Variants in MEAK7 observed in about 807,000 individuals in gnomAD.
MEAK7 encodes the protein MTOR-associated protein MEAK7.
In MEAK7, 68 loss-of-function variants were observed where a neutral mutation model predicts 40.5. The observed-to-expected ratio is 1.68, with a 90% CI of 1.38 to 2.06. MEAK7 has a LOEUF of 2.06. MEAK7 is among the 30% of genes most tolerant of loss of function. MEAK7 has a pLI of 0.00. For synonymous variants in MEAK7, 338 were observed against 231.9 expected (o/e 1.46, Z -4.16); for missense variants, 918 against 580.5 (o/e 1.58, Z -5.98).
At chr16:84,483,828 G>A (rs74036226) in intron 5 of MEAK7, among the ~76,000 whole-genome samples, 3,024 of 152,262 alleles carry the variant, frequency 0.02, 119 homozygotes, top group African/African-American at 0.067. Context: ...ATGAGGACAA[G>A]GTGTGGGACA....
rs1247809371 is a variant in MEAK7, at chr16:84,482,613, C to G, written c.1056G>C (p.Gln352His). ...TCACCAGTCCGTTCGGGATCGTCTG[C>G]TGTCCATGGTTCAAGTACATGTAGT... ...NDHYMYLNHG[Q>H]QTIPNGLGMG... The change falls in exon 6 of 8, where the codon CAG (glutamine) becomes CAC (histidine). Residue 352 changes from glutamine (Q) to histidine (H), a missense_variant. By Grantham distance (24) the Gln-to-His change is conservative. Transcript: ENST00000343629. The G allele has an allele frequency of 6.2e-7, 1 of 1,614,238 alleles. No individual in the cohort carries two copies.
chr16:84,492,675 G>C (rs781384950), intron 3 of MEAK7, among the ~76,000 whole-genome samples: 4 of 151,998 alleles, frequency 2.6e-5, no homozygotes, highest in Non-Finnish European at 5.9e-5. Flanking sequence ...TCCACCTCTC[G>C]AGTTCAAGCG....
chr16:84,480,500 C>G, intron 7 of MEAK7, 29 bp downstream of exon 7: 6 of 1,565,918 alleles, frequency 3.8e-6, no homozygotes, highest in Non-Finnish European at 5.2e-6. Context: ...AAGGGGCCAT[C>G]CTGGGATGCA....
At chr16:84,497,572 CCT>C (rs1914152767) in intron 2 of MEAK7, 2 of 1,300,908 alleles carry the variant, frequency 1.5e-6, no homozygotes, top group Non-Finnish European at 2.0e-6. Flanking sequence ...CTATCTCTCT[CCT>C]CTGATGTTCA....
At chr16:84,485,405 C>T (rs1329997096) in intron 5 of MEAK7, among the ~76,000 whole-genome samples, 4 of 152,220 alleles carry the variant, frequency 2.6e-5, no homozygotes, top group Non-Finnish European at 4.4e-5. Context: ...CAGCCAGATG[C>T]CACCTAGCCT....
chr16:84,498,069 G>A lies in MEAK7; in HGVS notation c.18C>T (p.Ser6=). 6.2e-7 allele frequency: 1 copy of A among 1,612,284 alleles called. No homozygotes were observed. Among genetic ancestry groups the A allele is most frequent in the Non-Finnish European group, 8.5e-7 (1 of 1,179,026 alleles). The change falls in exon 2 of 8, where the codon AGC becomes AGT. Residue 6 remains serine, a synonymous_variant. Coordinates refer to ENST00000343629, the MANE Select transcript of MEAK7 (RefSeq NM_020947.4). ...GTGAACAAAAGCTCCGCCCCACACG[G>A]CTTCTGCTGTTCCCCATCTGTCCTG... MGNSR[S]RVGRSFCSQF...
chr16:84,500,414 G>C (rs2150649380), intron 1 of MEAK7, among the ~76,000 whole-genome samples: 1 of 152,262 alleles, frequency 6.6e-6, no homozygotes, highest in African/African-American at 2.4e-5. Context: ...AGTAAAGCAT[G>C]AGCTTCCATC....
chr16:84,504,563 T>A, intron 1 of MEAK7, 38 bp downstream of exon 1: 1 of 982,864 alleles, frequency 1.0e-6, no homozygotes, highest in Non-Finnish European at 1.2e-6. Flanking sequence ...CCTGCGCCTC[T>A]GGGTCAGCTC....
In MEAK7 at chr16:84,478,707, G is replaced by C. The variant is rs566062554; in HGVS notation, c.*1206C>G. On this transcript the variant is annotated 3_prime_UTR_variant, in exon 8 of 8. Coordinates refer to ENST00000343629, the MANE Select transcript of MEAK7 (RefSeq NM_020947.4). ...GATCTTCAGCATTTCAGGATCACCGGAGCTTGTTTAAAGTCAGTCTACACT... is the reference window on the plus strand; with the variant it reads ...GATCTTCAGCATTTCAGGATCACCGCAGCTTGTTTAAAGTCAGTCTACACT... 1 of 152,326 alleles carries C rather than the reference G, an allele frequency of 6.6e-6. No individual in the cohort carries two copies. The highest frequency in any genetic ancestry group is 1.9e-4 in the East Asian group (1 of 5,178). 9.4% of individuals were successfully genotyped at this position (152,326 alleles called of 1,614,324 possible).
chr16:84,496,025 C>T (rs755754057), intron 2 of MEAK7, 112 bp from the exon 3 acceptor site: 138 of 1,206,076 alleles, frequency 1.1e-4, no homozygotes, highest in Admixed American at 7.4e-5. Context: ...GGGAAGTTTT[C>T]GTTTTTTAAA....
chr16:84,482,583 C>T lies in MEAK7; in HGVS notation c.1077+9G>A, dbSNP rs781680496. ...CAAGGCAAGACCACCACGCTCTGCC[C>T]GGGCTCACCAGTCCGTTCGGGATCG... On this transcript the variant is annotated intron_variant, in intron 6 of 7. Transcript: ENST00000343629. The T allele has an allele frequency of 5.6e-6, 9 of 1,614,032 alleles. No individual in the cohort carries two copies. Among genetic ancestry groups the T allele is most frequent in the South Asian group, 4.4e-5 (4 of 91,066 alleles).
At chr16:84,499,100 G>C (rs147805959) in intron 1 of MEAK7, among the ~76,000 whole-genome samples, 14 of 152,342 alleles carry the variant, frequency 9.2e-5, no homozygotes, top group African/African-American at 3.4e-4. Context: ...TGAGGCGCTG[G>C]GGTAGCGTTA....
Position 84,476,618 on chromosome 16 carries a change from G to C in MEAK7, c.*3295C>G, listed in dbSNP as rs1465194367. ...CCCAGCTGCAGACGGTGGAACGCTAGGCCCGAGAGCATCCATATGGTGGGA... is the reference window on the plus strand; with the variant it reads ...CCCAGCTGCAGACGGTGGAACGCTACGCCCGAGAGCATCCATATGGTGGGA... On this transcript the variant is annotated 3_prime_UTR_variant, in exon 8 of 8. Coordinates refer to ENST00000343629, the MANE Select transcript of MEAK7 (RefSeq NM_020947.4). The C allele has an allele frequency of 6.6e-6, 1 of 152,128 alleles. No homozygotes were observed. Among genetic ancestry groups the C allele is most frequent in the Non-Finnish European group, 1.5e-5 (1 of 68,022 alleles). 9.4% of individuals were successfully genotyped at this position (152,128 alleles called of 1,614,324 possible). A position where few individuals can be genotyped will look rare whatever the true frequency, so the allele number is the denominator to read the frequency against.
rs201467029 is a variant in MEAK7 at position 84,495,692 on chromosome 16, T to G, written c.375A>C (p.Glu125Asp). Reference sequence around the variant, plus strand: ...CTCGCGGCCTCACTACCTTTTGGACTTCTCTGGCCTTCACGGGACCTTCTG... The same window carrying G: ...CTCGCGGCCTCACTACCTTTTGGACGTCTCTGGCCTTCACGGGACCTTCTG... ...SATEGPVKAR[E>D]VQKFTEDLVG... The change falls in exon 3 of 8, where the codon GAA (glutamate) becomes GAC (aspartate). Residue 125 changes from glutamate (E) to aspartate (D), a missense_variant. Glu to Asp is a conservative substitution (Grantham distance 45). Transcript: ENST00000343629. 1.1e-5 allele frequency: 17 copies of G among 1,614,158 alleles called. No individual in the cohort carries two copies. The African/African-American group carries it at 2.0e-4, about 19-fold the overall frequency.
At position 84,487,072 on chromosome 16, in the gene MEAK7, G is replaced by T; in HGVS notation, c.530-13C>A. On this transcript the variant is annotated splice_polypyrimidine_tract_variant and intron_variant, in intron 4 of 7. Coordinates refer to ENST00000343629, the MANE Select transcript of MEAK7 (RefSeq NM_020947.4). ...AGTCTCTTGCCATCTAGGGGAAGGGGATGGTCAGCATTAGTGGGGCTGTTA... is the reference window on the plus strand; with the variant it reads ...AGTCTCTTGCCATCTAGGGGAAGGGTATGGTCAGCATTAGTGGGGCTGTTA... 6.2e-7 allele frequency: 1 copy of T among 1,603,260 alleles called. No homozygotes were observed.
chr16:84,495,303 T>TAGTG (rs1913946962), intron 3 of MEAK7, among the ~76,000 whole-genome samples: 1 of 152,122 alleles, frequency 6.6e-6, no homozygotes, highest in African/African-American at 2.4e-5. Flanking sequence ...TCTCCACAGG[T>TAGTG]AGTGACTATG....
chr16:84,480,645 T>G lies in MEAK7; in HGVS notation c.1141A>C (p.Ser381Arg). 6.2e-7 allele frequency: 1 copy of G among 1,614,088 alleles called. No individual in the cohort carries two copies. The highest frequency in any genetic ancestry group is 8.5e-7 in the Non-Finnish European group (1 of 1,179,980). Residue 381 changes from serine to arginine, a missense_variant, in exon 7 of 8, where the codon AGC becomes CGC. Physicochemically the swap from Ser to Arg is moderately radical, Grantham distance 110. Transcript: ENST00000343629. ...WVDVDFGKGH[S>R]RAKPTCTTYN... is the part of the protein sequence containing the mutation. ...GTGGTGCACGTGGGCTTGGCTCTGC[T>G]GTGTCCTTTCCCAAAATCAACATCC...
At chr16:84,494,755 C>T (rs1184125210) in intron 3 of MEAK7, 2 of 444,738 alleles carry the variant, frequency 4.5e-6, no homozygotes, top group Non-Finnish European at 9.0e-6. Flanking sequence ...AGGAATAAAC[C>T]ATTCTGGACA....
chr16:84,482,340 G>T (rs537758564), intron 6 of MEAK7, among the ~76,000 whole-genome samples: 10 of 152,334 alleles, frequency 6.6e-5, no homozygotes, highest in African/African-American at 2.2e-4. Context: ...CAGAAAAATG[G>T]GCCAAGTGTG....
Sources: allele counts gnomAD v4.1 joint callset (sites outside exome capture counted in the v4.1 genomes callset), GRCh38; gene constraint gnomAD v4.1.1; transcripts MANE v1.5; gene names NCBI Gene and HGNC (gene_info 2026-07-23, HGNC 2026-07-21).